Variants in RAP1GDS1 observed in about 807,000 individuals in gnomAD.
The protein encoded by RAP1GDS1 is Rap1 GTPase-GDP dissociation stimulator 1.
RAP1GDS1 carries 35 observed loss-of-function variants against 71.1 expected under a neutral mutation model. The observed-to-expected ratio is 0.49, with a 90% confidence interval of 0.38 to 0.65. The LOEUF is 0.65. Ranked by LOEUF, RAP1GDS1 falls within the 30% of genes least tolerant of loss-of-function variation. RAP1GDS1 has a pLI of 0.00. For synonymous variants in RAP1GDS1, 229 were observed against 243.1 expected (o/e 0.94, Z 0.54); for missense variants, 663 against 706.1 (o/e 0.94, Z 0.69).
At chr4:98,309,597 G>A (rs1011852733) in intron 2 of RAP1GDS1, among the ~76,000 whole-genome samples, 1 of 151,628 alleles carries the variant, frequency 6.6e-6, no homozygotes, top group Non-Finnish European at 1.5e-5. Flanking sequence ...GCCAAGAAAT[G>A]GAAATGATCC....
intron 1 of RAP1GDS1, among the ~76,000 whole-genome samples, chr4:98,272,666 G>T (rs1463914556): frequency 6.6e-6 from 1 of 152,074 alleles, no homozygotes. Flanking sequence ...AGCTGTAGTG[G>T]ATCAGCAGCA....
chr4:98,326,395 A>G (rs928377007), intron 2 of RAP1GDS1, among the ~76,000 whole-genome samples: 6 of 152,016 alleles, frequency 3.9e-5, no homozygotes, highest in Non-Finnish European at 7.4e-5. Context: ...TTTCTTCCCC[A>G]TTCTCAACCC....
intron 2 of RAP1GDS1, among the ~76,000 whole-genome samples, chr4:98,334,723 TGTTA>T (rs1359868705): frequency 1.4e-4 from 21 of 152,164 alleles, no homozygotes; most frequent in Non-Finnish European, 2.9e-5. Flanking sequence ...CCTAAGCAAT[TGTTA>T]GTCAGGCAAA....
chr4:98,305,824 A>G (rs1729238900), intron 2 of RAP1GDS1, among the ~76,000 whole-genome samples: 1 of 152,190 alleles, frequency 6.6e-6, no homozygotes, highest in African/African-American at 2.4e-5. Context: ...GAATGTTACC[A>G]TTTTTGCTTC....
chr4:98,358,543 T>C (rs1199414584), intron 4 of RAP1GDS1, among the ~76,000 whole-genome samples: 1 of 152,050 alleles, frequency 6.6e-6, no homozygotes, highest in East Asian at 1.9e-4. Context: ...ACTTTATCCT[T>C]TTCTCTGTGT....
At position 98,355,520 on chromosome 4, in the gene RAP1GDS1, G is replaced by A. The variant is rs72896355; in HGVS notation, c.361+2919G>A. On this transcript the variant is annotated intron_variant, in intron 4 of 14. Transcript: ENST00000408927. ...AGACTTCACTATTGGATCACTTCTC[G>A]GCCTGTTGGCTAAGATCAAGTGTAG... 3.3e-3 allele frequency among the ~76,000 whole-genome samples: 495 copies of A among 152,098 alleles called. 2 individuals carry two copies. Among genetic ancestry groups the A allele is most frequent in the African/African-American group, 0.012 (478 of 41,502 alleles).
chr4:98,355,434 T>C (rs1737813924), intron 4 of RAP1GDS1, among the ~76,000 whole-genome samples: 2 of 152,182 alleles, frequency 1.3e-5, no homozygotes, highest in Admixed American at 6.5e-5. Context: ...CATAGGTTTA[T>C]TCAGGATGAT....
intron 4 of RAP1GDS1, among the ~76,000 whole-genome samples, chr4:98,370,589 A>T (rs1176221000): frequency 1.3e-5 from 2 of 149,090 alleles, no homozygotes; most frequent in Non-Finnish European, 3.0e-5. Flanking sequence ...TTTTTAACAG[A>T]GTCTCGCTCT....
At position 98,330,694 on chromosome 4, in the gene RAP1GDS1, C is replaced by T. The variant is rs183673862; in HGVS notation, c.113-12445C>T. Reference sequence around the variant, plus strand: ...CCGGGAAGAGGCGCTCCTCACTTCCCAGACTGGGTGGCTGGGCAGAGGGGC... The same window carrying T: ...CCGGGAAGAGGCGCTCCTCACTTCCTAGACTGGGTGGCTGGGCAGAGGGGC... On this transcript the variant is annotated intron_variant, in intron 2 of 14. Transcript: ENST00000408927. Among the ~76,000 whole-genome samples, 524 of 150,538 alleles carry T rather than the reference C, an allele frequency of 3.5e-3. 8 individuals carry two copies. The East Asian group carries it at 0.054, about 15-fold the overall frequency.
chr4:98,292,799 A>G (rs1727167225), intron 1 of RAP1GDS1, among the ~76,000 whole-genome samples: 1 of 152,164 alleles, frequency 6.6e-6, no homozygotes, highest in South Asian at 2.1e-4. Context: ...TTAATAGTGT[A>G]AAGAGGTTTT....
intron 2 of RAP1GDS1, among the ~76,000 whole-genome samples, chr4:98,334,509 G>A (rs1326163160): frequency 2.0e-5 from 3 of 152,132 alleles, no homozygotes; most frequent in Non-Finnish European, 2.9e-5. Context: ...AGCGTAGCAG[G>A]GAAATCGTTT....
At chr4:98,353,684 T>A (rs1412411161) in intron 4 of RAP1GDS1, among the ~76,000 whole-genome samples, 1 of 152,230 alleles carries the variant, frequency 6.6e-6, no homozygotes, top group Admixed American at 6.5e-5. Context: ...AGGACATAGA[T>A]GTCTTAATAT....
At chr4:98,434,493 G>A (rs1224707149) in intron 13 of RAP1GDS1, among the ~76,000 whole-genome samples, 1 of 151,792 alleles carries the variant, frequency 6.6e-6, no homozygotes, top group Non-Finnish European at 1.5e-5. Context: ...CCATCACCGT[G>A]ACTTCTATTG....
intron 3 of RAP1GDS1, among the ~76,000 whole-genome samples, chr4:98,352,145 C>A (rs577574136): frequency 6.6e-6 from 1 of 151,922 alleles, no homozygotes; most frequent in African/African-American, 2.4e-5. Flanking sequence ...TCCATCATCA[C>A]ACATATTGCT....
At chr4:98,314,796 A>G (rs989146450) in intron 2 of RAP1GDS1, among the ~76,000 whole-genome samples, 4 of 152,200 alleles carry the variant, frequency 2.6e-5, no homozygotes, top group African/African-American at 9.6e-5. Flanking sequence ...TTCAACTCAC[A>G]TTTTTAAGTC....
chr4:98,431,176 T>C (rs1750349300), intron 12 of RAP1GDS1, among the ~76,000 whole-genome samples: 1 of 152,226 alleles, frequency 6.6e-6, no homozygotes, highest in Non-Finnish European at 1.5e-5. Flanking sequence ...TTTAAACAAA[T>C]GTATTTAGTC....
Position 98,391,969 on chromosome 4 carries a change from C to G in RAP1GDS1, c.526C>G (p.Leu176Val). ...TTTTACAGATTCGCTTCAAGCTCAG[C>G]TTATCAATATGGGTGTTATTCCTAC... ...SNENDSLQAQ[L>V]INMGVIPTLV... The change falls in exon 6 of 15, where the codon CTT becomes GTT. Residue 176 changes from leucine to valine, a missense_variant. Coordinates refer to ENST00000408927, the MANE Select transcript of RAP1GDS1 (RefSeq NM_001100427.2). 6.2e-7 allele frequency: 1 copy of G among 1,602,674 alleles called. No individual in the cohort carries two copies. Among genetic ancestry groups the G allele is most frequent in the Non-Finnish European group, 8.5e-7 (1 of 1,175,390 alleles).
chr4:98,261,533 C>T lies in RAP1GDS1; in HGVS notation c.-33C>T. 2 of 1,595,200 alleles carry T rather than the reference C, an allele frequency of 1.3e-6. No homozygotes were observed. The highest frequency in any genetic ancestry group is 8.6e-7 in the Non-Finnish European group (1 of 1,169,482). On this transcript the variant is annotated 5_prime_UTR_variant, in exon 1 of 15. Coordinates refer to ENST00000408927, the MANE Select transcript of RAP1GDS1 (RefSeq NM_001100427.2). The stretch of plus-strand genomic sequence containing the variant: ...CCGCCCGCACCACAGACCTTCGCCT[C>T]GCCCCGCCGGTTCCTCACCCTCGGG...
At chr4:98,432,314 A>G (rs1750543009) in intron 12 of RAP1GDS1, among the ~76,000 whole-genome samples, 1 of 152,196 alleles carries the variant, frequency 6.6e-6, no homozygotes, top group African/African-American at 2.4e-5. Context: ...GACAGTTCAA[A>G]CATCTTCCCT....
Sources: allele counts gnomAD v4.1 joint callset (sites outside exome capture counted in the v4.1 genomes callset), GRCh38; gene constraint gnomAD v4.1.1; transcripts MANE v1.5; gene names NCBI Gene and HGNC (gene_info 2026-07-23, HGNC 2026-07-21).